Variants in LDB2 observed in about 807,000 individuals in gnomAD.
The protein encoded by LDB2 is LIM domain-binding protein 2.
Under a neutral mutation model 44.3 loss-of-function variants are expected in LDB2, and 12 were observed. The observed-to-expected ratio is 0.27, with a 90% confidence interval of 0.17 to 0.44. LDB2 has a LOEUF of 0.44. LDB2 is among the 20% of genes least tolerant of loss of function. The pLI, the probability that LDB2 is intolerant of heterozygous loss-of-function variation, is 1.00. For missense variants in LDB2, 344 were observed against 473.5 expected (o/e 0.73, Z 2.54); for synonymous variants, 164 against 174.8 (o/e 0.94, Z 0.49).
At chr4:16,620,912 A>G (rs2152480433) in intron 2 of LDB2, among the ~76,000 whole-genome samples, 1 of 152,290 alleles carries the variant, frequency 6.6e-6, no homozygotes, top group East Asian at 1.9e-4. Context: ...CATCTTTTAC[A>G]TCTACCTTTG....
At chr4:16,807,834 C>A (rs1779067762) in intron 1 of LDB2, among the ~76,000 whole-genome samples, 1 of 152,282 alleles carries the variant, frequency 6.6e-6, no homozygotes, top group East Asian at 1.9e-4. Flanking sequence ...CCAGCCTTGG[C>A]ACATGAGAAA....
intron 2 of LDB2, among the ~76,000 whole-genome samples, chr4:16,608,385 C>T (rs931924021): frequency 6.6e-6 from 1 of 152,158 alleles, no homozygotes; most frequent in Non-Finnish European, 1.5e-5. Context: ...AGAAAAGGAA[C>T]AACCGTTCCA....
chr4:16,573,761 A>G (rs941326443), intron 5 of LDB2, among the ~76,000 whole-genome samples: 1 of 152,108 alleles, frequency 6.6e-6, no homozygotes, highest in African/African-American at 2.4e-5. Flanking sequence ...TGAATGGTAT[A>G]CCTGGATTCC....
At chr4:16,551,280 A>T (rs1737561395) in intron 5 of LDB2, among the ~76,000 whole-genome samples, 1 of 152,216 alleles carries the variant, frequency 6.6e-6, no homozygotes, top group Non-Finnish European at 1.5e-5. Context: ...TTATGGATAC[A>T]TTATTGTTCA....
chr4:16,620,562 T>A (rs1286291274), intron 2 of LDB2, among the ~76,000 whole-genome samples: 1 of 152,248 alleles, frequency 6.6e-6, no homozygotes, highest in African/African-American at 2.4e-5. Context: ...AAGGTGATAC[T>A]TCTCGCCTCT....
intron 5 of LDB2, among the ~76,000 whole-genome samples, chr4:16,565,358 A>G (rs1744113167): frequency 6.6e-6 from 1 of 152,202 alleles, no homozygotes; most frequent in African/African-American, 2.4e-5. Flanking sequence ...TTATTAATAT[A>G]TTTACTCATA....
At position 16,689,490 on chromosome 4, in the gene LDB2, A is replaced by C. The variant is rs568050739; in HGVS notation, c.235+69668T>G. Reference sequence around the variant, plus strand: ...ATATTTAACAGCCTGTGAGCTTTTCAAAGATAAGCTCTATGGTGGAGTCTT... The same window carrying C: ...ATATTTAACAGCCTGTGAGCTTTTCCAAGATAAGCTCTATGGTGGAGTCTT... On this transcript the variant is annotated intron_variant, in intron 2 of 7. Coordinates refer to ENST00000304523, the MANE Select transcript of LDB2 (RefSeq NM_001290.5). Among the ~76,000 whole-genome samples the C allele has an allele frequency of 4.6e-5, 7 of 152,344 alleles. No homozygotes were observed. The East Asian group carries it at 1.4e-3, about 29-fold the overall frequency.
chr4:16,605,757 T>C (rs1723753710), intron 2 of LDB2, among the ~76,000 whole-genome samples: 1 of 152,070 alleles, frequency 6.6e-6, no homozygotes, highest in Non-Finnish European at 1.5e-5. Context: ...ATCTCTGACA[T>C]CCAGACACTG....
chr4:16,664,101 A>G (rs548628231), intron 2 of LDB2, among the ~76,000 whole-genome samples: 122 of 152,300 alleles, frequency 8.0e-4, no homozygotes, highest in Admixed American at 1.8e-3. Flanking sequence ...CCCAAAATTC[A>G]TATCCTAACT....
intron 2 of LDB2, among the ~76,000 whole-genome samples, chr4:16,708,634 G>A (rs994786604): frequency 3.3e-5 from 5 of 152,150 alleles, no homozygotes; most frequent in Admixed American, 2.6e-4. Flanking sequence ...TGGAGCTGAG[G>A]ATACATTCTT....
At position 16,882,065 on chromosome 4, in the gene LDB2, T is replaced by C. The variant is rs1720302765; in HGVS notation, c.132+16289A>G. On this transcript the variant is annotated intron_variant, in intron 1 of 7. Coordinates refer to ENST00000304523, the MANE Select transcript of LDB2 (RefSeq NM_001290.5). ...GTGCATGTGTATGCACGTGTGTGCATGTCTCAGTACCGCAATCCTGGCTGG... is the reference window on the plus strand; with the variant it reads ...GTGCATGTGTATGCACGTGTGTGCACGTCTCAGTACCGCAATCCTGGCTGG... Among the ~76,000 whole-genome samples the C allele has an allele frequency of 2.0e-5, 3 of 152,234 alleles. 1 individual carries two copies. The highest frequency in any genetic ancestry group is 2.0e-4 in the Admixed American group (3 of 15,290).
chr4:16,838,777 C>G (rs1165149896), intron 1 of LDB2, among the ~76,000 whole-genome samples: 1 of 152,190 alleles, frequency 6.6e-6, no homozygotes, highest in Admixed American at 6.5e-5. Flanking sequence ...AATGATTCAG[C>G]CTTCCATGCA....
intron 5 of LDB2, among the ~76,000 whole-genome samples, chr4:16,559,917 C>G (rs1046977722): frequency 6.6e-6 from 1 of 152,144 alleles, no homozygotes; most frequent in Non-Finnish European, 1.5e-5. Flanking sequence ...GAAACTCACT[C>G]AAAACCGCTC....
chr4:16,756,763 C>A (rs963161408), intron 2 of LDB2, among the ~76,000 whole-genome samples: 1 of 151,960 alleles, frequency 6.6e-6, no homozygotes, highest in African/African-American at 2.4e-5. Context: ...TAAGGAATGA[C>A]ATACAATAAA....
intron 4 of LDB2, among the ~76,000 whole-genome samples, chr4:16,588,207 G>A (rs1018943166): frequency 1.3e-5 from 2 of 152,162 alleles, no homozygotes; most frequent in African/African-American, 4.8e-5. Flanking sequence ...ACAAAACCAA[G>A]AGAAGCCCAA....
intron 1 of LDB2, among the ~76,000 whole-genome samples, chr4:16,789,938 AAAAC>A (rs1440852748): frequency 6.6e-6 from 1 of 152,220 alleles, no homozygotes. Flanking sequence ...CCTCAAAACA[AAAAC>A]AAACAAACAA....
At chr4:16,728,481 A>G (rs968037852) in intron 2 of LDB2, among the ~76,000 whole-genome samples, 1 of 107,044 alleles carries the variant, frequency 9.3e-6, no homozygotes, top group Non-Finnish European at 1.9e-5. Context: ...CATTAACTCC[A>G]AATTTTTTTA....
chr4:16,667,619 C>G (rs1743639706), intron 2 of LDB2, among the ~76,000 whole-genome samples: 1 of 152,210 alleles, frequency 6.6e-6, no homozygotes. Context: ...CACAGAATCT[C>G]AATTTCGCTC....
chr4:16,788,953 C>A (rs753163331), intron 1 of LDB2, among the ~76,000 whole-genome samples: 2 of 152,130 alleles, frequency 1.3e-5, no homozygotes, highest in Admixed American at 6.6e-5. Context: ...GCCCCCAGAC[C>A]GGATTTCATT....
Sources: allele counts gnomAD v4.1 joint callset (sites outside exome capture counted in the v4.1 genomes callset), GRCh38; gene constraint gnomAD v4.1.1; transcripts MANE v1.5; gene names NCBI Gene and HGNC (gene_info 2026-07-23, HGNC 2026-07-21).